SLC16A12: variants seen among roughly 807,000 people sequenced by gnomAD.
SLC16A12 encodes solute carrier family 16 member 12, also known as monocarboxylate transporter 12.
In SLC16A12, 17 loss-of-function variants were observed where a neutral mutation model predicts 42.4. The ratio of observed to expected loss-of-function variants is 0.40; its 90% CI spans 0.27 to 0.60. SLC16A12 has a LOEUF of 0.60. Ranked by LOEUF, SLC16A12 falls within the 20% of genes least tolerant of loss-of-function variation. SLC16A12 has a pLI of 0.42. For synonymous variants in SLC16A12, 224 were observed against 229.4 expected (o/e 0.98, Z 0.21); for missense variants, 544 against 623.0 (o/e 0.87, Z 1.35).
At chr10:89,439,217 T>C (rs1236737274) in intron 5 of SLC16A12, 34 bp from the exon 6 acceptor site, 2 of 1,576,592 alleles carry the variant, frequency 1.3e-6, no homozygotes, top group Admixed American at 1.7e-5. Flanking sequence ...AGTGCTGAAG[T>C]ACCATAAACA....
intron 2 of SLC16A12, among the ~76,000 whole-genome samples, chr10:89,533,713 T>C (rs1420186408): frequency 6.6e-6 from 1 of 151,836 alleles, no homozygotes; most frequent in Non-Finnish European, 1.5e-5. Flanking sequence ...TATCTGTATA[T>C]CCATAATATA....
chr10:89,449,225 A>G (rs1303668731), intron 3 of SLC16A12, among the ~76,000 whole-genome samples: 1 of 152,220 alleles, frequency 6.6e-6, no homozygotes, highest in Non-Finnish European at 1.5e-5. Context: ...TCAAGCTACC[A>G]ATGACTTTCT....
intron 2 of SLC16A12, among the ~76,000 whole-genome samples, chr10:89,491,800 A>T (rs1278625740): frequency 6.6e-6 from 1 of 152,248 alleles, no homozygotes; most frequent in Admixed American, 6.5e-5. Context: ...CCACGTGTTC[A>T]TCCAGGGATG....
intron 2 of SLC16A12, among the ~76,000 whole-genome samples, chr10:89,525,524 C>T (rs990942145): frequency 2.6e-5 from 4 of 152,072 alleles, no homozygotes; most frequent in Non-Finnish European, 5.9e-5. Flanking sequence ...ATGTATGGGG[C>T]TTAATTTTGA....
At chr10:89,505,841 T>C (rs1843052224) in intron 2 of SLC16A12, among the ~76,000 whole-genome samples, 1 of 152,184 alleles carries the variant, frequency 6.6e-6, no homozygotes, top group Non-Finnish European at 1.5e-5. Flanking sequence ...TGGCTTGAAA[T>C]TCTCGTGGCT....
intron 3 of SLC16A12, among the ~76,000 whole-genome samples, chr10:89,458,535 A>G (rs1268025572): frequency 6.6e-6 from 1 of 152,186 alleles, no homozygotes; most frequent in African/African-American, 2.4e-5. Context: ...GAAATGACTC[A>G]AGTGACAGGC....
chr10:89,461,477 A>T (rs1453650951), intron 3 of SLC16A12, among the ~76,000 whole-genome samples: 1 of 152,170 alleles, frequency 6.6e-6, no homozygotes, highest in African/African-American at 2.4e-5. Context: ...CTTGTGTAAG[A>T]TTAACTCTGT....
intron 2 of SLC16A12, among the ~76,000 whole-genome samples, chr10:89,508,031 T>C (rs994042003): frequency 1.3e-5 from 2 of 152,194 alleles, no homozygotes; most frequent in Non-Finnish European, 2.9e-5. Flanking sequence ...GAGATAACTA[T>C]CCTAACTATA....
At chr10:89,473,742 C>A (rs536558827) in intron 2 of SLC16A12, among the ~76,000 whole-genome samples, 1 of 151,992 alleles carries the variant, frequency 6.6e-6, no homozygotes, top group Non-Finnish European at 1.5e-5. Flanking sequence ...ACCTTTGTAA[C>A]CCTTAATGTG....
chr10:89,530,710 C>CAA (rs1211301676), intron 2 of SLC16A12, among the ~76,000 whole-genome samples: 6 of 152,130 alleles, frequency 3.9e-5, no homozygotes, highest in African/African-American at 1.2e-4. Flanking sequence ...TGAGCCACGG[C>CAA]GCCCGGCTGG....
Position 89,432,814 on chromosome 10 carries a change from G to A in SLC16A12, c.*250C>T, listed in dbSNP as rs1477450023. ...GCTGTGTCCTTACATTTCTTACAGAGCTATGCCCATTGACCAAAAGATACG... is the reference window on the plus strand; with the variant it reads ...GCTGTGTCCTTACATTTCTTACAGAACTATGCCCATTGACCAAAAGATACG... On this transcript the variant is annotated 3_prime_UTR_variant, in exon 8 of 8. Coordinates refer to ENST00000371790, the MANE Select transcript of SLC16A12 (RefSeq NM_213606.4). The A allele has an allele frequency of 2.1e-6, 1 of 470,634 alleles. No homozygotes were observed. The highest frequency in any genetic ancestry group is 4.2e-5 in the East Asian group (1 of 23,946). The allele number at this position is 470,634 out of a possible 1,614,324, so 29.2% of individuals were successfully genotyped here.
chr10:89,539,877 C>CTTTCTTTCTTTCTTTCT (rs1564604768), upstream of SLC16A12, among the ~76,000 whole-genome samples: 1 of 144,142 alleles, frequency 6.9e-6, no homozygotes, highest in Non-Finnish European at 1.5e-5. Flanking sequence ...TTCTTTCTTT[C>CTTTCTTTCTTTCTTTCT]TTTCTTTCTT....
At chr10:89,468,971 A>T (rs1445915631) in intron 2 of SLC16A12, among the ~76,000 whole-genome samples, 1 of 152,212 alleles carries the variant, frequency 6.6e-6, no homozygotes, top group Non-Finnish European at 1.5e-5. Flanking sequence ...TTCTATAAAA[A>T]ATACAAAAAT....
In SLC16A12 at chr10:89,548,292, A is replaced by G. The variant is rs564022024; in HGVS notation, c.-47+7590T>C. 7.9e-5 allele frequency among the ~76,000 whole-genome samples: 12 copies of G among 152,250 alleles called. No individual in the cohort carries two copies. The East Asian group carries it at 2.3e-3, about 30-fold the overall frequency. On this transcript the variant is annotated intron_variant, in intron 2 of 2. Transcript: ENST00000475682. The stretch of plus-strand genomic sequence containing the variant: ...GGATGGTGATCATTAACAGAGAAAG[A>G]AAAGGTAGCAGCATGTGAACTGTTC...
At chr10:89,508,670 A>T (rs1843110450) in intron 2 of SLC16A12, among the ~76,000 whole-genome samples, 5 of 152,214 alleles carry the variant, frequency 3.3e-5, no homozygotes, top group Admixed American at 3.3e-4. Context: ...TAAAAGAACT[A>T]GAGAAGCAAG....
chr10:89,458,928 G>A (rs374734970), intron 3 of SLC16A12, among the ~76,000 whole-genome samples: 18 of 152,142 alleles, frequency 1.2e-4, no homozygotes, highest in African/African-American at 4.3e-4. Flanking sequence ...GAAAAAAATT[G>A]TGCAAGTAAG....
intron 2 of SLC16A12, among the ~76,000 whole-genome samples, chr10:89,550,461 G>A (rs1843763958): frequency 6.6e-6 from 1 of 152,230 alleles, no homozygotes; most frequent in Non-Finnish European, 1.5e-5. Flanking sequence ...GGAGGTTGCA[G>A]TGAGCTGAGA....
chr10:89,549,839 A>C lies in SLC16A12; in HGVS notation c.-47+6043T>G, dbSNP rs569945480. Among the ~76,000 whole-genome samples, 38 of 152,260 alleles carry C rather than the reference A, an allele frequency of 2.5e-4. No homozygotes were observed. The South Asian group carries it at 7.7e-3, about 31-fold the overall frequency. ...GCTTTGCAAGTGGCTCAGCATCCTAAAATTTGAGAGCCATGACCTAAGAAG... is the reference window on the plus strand; with the variant it reads ...GCTTTGCAAGTGGCTCAGCATCCTACAATTTGAGAGCCATGACCTAAGAAG... On this transcript the variant is annotated intron_variant, in intron 2 of 2. Coordinates refer to the SLC16A12 transcript ENST00000475682.
chr10:89,479,525 T>G (rs1842631702), intron 2 of SLC16A12, among the ~76,000 whole-genome samples: 2 of 152,346 alleles, frequency 1.3e-5, no homozygotes, highest in Middle Eastern at 3.4e-3. Context: ...TCAGTATTAT[T>G]AGCCTTTAGG....
Sources: gnomAD v4.1 joint callset for allele counts (sites outside exome capture counted in the v4.1 genomes callset) on GRCh38, gnomAD v4.1.1 for gene constraint, MANE v1.5 for transcripts, NCBI Gene and HGNC (gene_info 2026-07-23, HGNC 2026-07-21) for gene names.